Variants in STRA6 observed in about 807,000 individuals in gnomAD.
STRA6 encodes the protein receptor for retinol uptake STRA6.
In STRA6, 48 loss-of-function variants were observed where a neutral mutation model predicts 83.6. That is an observed-to-expected ratio of 0.57 (90% CI 0.46 to 0.73). The LOEUF is 0.73. STRA6 is among the 30% of genes least tolerant of loss of function. STRA6 has a pLI of 0.00. For synonymous variants in STRA6, 353 were observed against 362.3 expected (o/e 0.97, Z 0.29); for missense variants, 760 against 838.8 (o/e 0.91, Z 1.16).
Position 74,186,400 on chromosome 15 carries a change from A to G in STRA6, c.1091-1345T>C, listed in dbSNP as rs184831107. Among the ~76,000 whole-genome samples, 564 of 152,326 alleles carry G rather than the reference A, an allele frequency of 3.7e-3. 4 individuals carry two copies. The highest frequency in any genetic ancestry group is 0.012 in the African/African-American group (479 of 41,566). The stretch of plus-strand genomic sequence containing the variant: ...GAGGCGGTGGATCACCTGGGGTCAG[A>G]AGTTCGAGACCAGCCTGACCAATAT... On this transcript the variant is annotated intron_variant, in intron 12 of 18. Coordinates refer to ENST00000395105, the MANE Select transcript of STRA6 (RefSeq NM_022369.4).
At chr15:74,191,588 TC>T in intron 8 of STRA6, 97 bp from the exon 9 acceptor site, 1 of 1,109,590 alleles carries the variant, frequency 9.0e-7, no homozygotes, top group Non-Finnish European at 1.4e-6. Context: ...AAGCAGGTGC[TC>T]CATAAAAACC....
chr15:74,199,407 A>ACGCAGGGAGCAGGTTCC (rs534606048), intron 2 of STRA6, among the ~76,000 whole-genome samples: 24,331 of 152,164 alleles, frequency 0.16, 2,490 homozygotes, highest in Non-Finnish European at 0.23. Context: ...AGTAGCAGCC[A>ACGCAGGGAGCAGGTTCC]CACTGACTCC....
intron 7 of STRA6, chr15:74,194,657 G>T: frequency 1.2e-6 from 1 of 824,326 alleles, no homozygotes; most frequent in Non-Finnish European, 1.6e-6. Context: ...GCTAGGGACT[G>T]TTTGTCTTGT....
chr15:74,184,517 G>T (rs987766427), intron 13 of STRA6, among the ~76,000 whole-genome samples: 1 of 152,152 alleles, frequency 6.6e-6, no homozygotes, highest in African/African-American at 2.4e-5. Flanking sequence ...AGGTGGCATG[G>T]CGAGACCCGT....
At chr15:74,182,526 C>T (rs1374186288) in intron 14 of STRA6, 66 bp from the exon 15 acceptor site, 11 of 1,354,110 alleles carry the variant, frequency 8.1e-6, no homozygotes, top group South Asian at 5.0e-5. Context: ...ATCCCCGCTG[C>T]CCCCAGAACC....
intron 3 of STRA6, 41 bp downstream of exon 3, chr15:74,197,711 G>C (rs1347514578): frequency 1.2e-6 from 2 of 1,609,752 alleles, no homozygotes; most frequent in Non-Finnish European, 1.7e-6. Flanking sequence ...GCCCAGGCTG[G>C]CAGCAGCTTG....
intron 16 of STRA6, among the ~76,000 whole-genome samples, chr15:74,181,884 G>T (rs1006855743): frequency 9.2e-5 from 14 of 152,158 alleles, no homozygotes; most frequent in Non-Finnish European, 1.6e-4. Context: ...TGGTTTTAAG[G>T]AAACAGAGGA....
chr15:74,203,060 C>G (rs1199489638), upstream of STRA6: 1 of 985,578 alleles, frequency 1.0e-6, no homozygotes, highest in East Asian at 1.1e-4. Flanking sequence ...TCTGCAGTGC[C>G]GCACACAGAC....
At chr15:74,209,217 C>A, upstream of STRA6, 1 of 1,065,704 alleles carries the variant, frequency 9.4e-7, no homozygotes, top group Non-Finnish European at 1.3e-6. Context: ...GCGGTATAGC[C>A]TCTCCACACC....
upstream of STRA6, chr15:74,209,083 C>T: frequency 7.9e-7 from 1 of 1,273,126 alleles, no homozygotes; most frequent in Non-Finnish European, 9.9e-7. Context: ...TGCCCCTCCT[C>T]CTGCCCTCAC....
chr15:74,203,914 G>C (rs539158251), upstream of STRA6, among the ~76,000 whole-genome samples: 2 of 152,306 alleles, frequency 1.3e-5, no homozygotes, highest in South Asian at 4.1e-4. Flanking sequence ...TGGGGATGGG[G>C]GTGGGGGAAA....
chr15:74,207,799 C>G (rs1370195891), intron 1 of STRA6: 2 of 1,534,728 alleles, frequency 1.3e-6, no homozygotes, highest in African/African-American at 2.7e-5. Flanking sequence ...GCACAGCACA[C>G]TCACACACAC....
upstream of STRA6, chr15:74,207,665 T>C (rs1314188506): frequency 6.5e-7 from 1 of 1,529,042 alleles, no homozygotes; most frequent in East Asian, 2.4e-5. Flanking sequence ...AGAGAGGCGT[T>C]CCAGGAGTGG....
upstream of STRA6, among the ~76,000 whole-genome samples, chr15:74,207,036 A>G (rs1254978775): frequency 6.6e-6 from 1 of 152,238 alleles, no homozygotes; most frequent in Non-Finnish European, 1.5e-5. Context: ...CAGAGCTGCT[A>G]TGCCCCTCGG....
intron 4 of STRA6, 63 bp from the exon 5 acceptor site, chr15:74,196,210 C>T: frequency 6.3e-7 from 1 of 1,599,816 alleles, no homozygotes; most frequent in Non-Finnish European, 8.5e-7. Context: ...CCATTACCTC[C>T]CAGCTGTATT....
upstream of STRA6, among the ~76,000 whole-genome samples, chr15:74,203,804 G>A (rs1048794246): frequency 1.3e-5 from 2 of 152,066 alleles, no homozygotes; most frequent in African/African-American, 4.8e-5. Flanking sequence ...TAGTCCAAGA[G>A]CATTTGGGGA....
chr15:74,181,337 C>T lies in STRA6; in HGVS notation c.1642G>A (p.Asp548Asn), dbSNP rs766874761. ...LYNAIHLGQM[D>N]LSLLPPRAAT... ...GCTCTCGGTGGCAGCAGGCTGAGGT[C>T]CATCTGGCCAAGGTGGATGGCGTTG... Residue 548 changes from aspartate (D) to asparagine (N), a missense_variant, in exon 17 of 19, where the codon GAC (aspartate) becomes AAC (asparagine). Coordinates refer to ENST00000395105, the MANE Select transcript of STRA6 (RefSeq NM_022369.4). 1.9e-6 allele frequency: 3 copies of T among 1,607,604 alleles called. No individual in the cohort carries two copies. Among genetic ancestry groups the T allele is most frequent in the African/African-American group, 1.4e-5 (1 of 73,090 alleles).
At chr15:74,207,674 G>A (rs574934800), upstream of STRA6, 5 of 1,530,278 alleles carry the variant, frequency 3.3e-6, no homozygotes, top group Non-Finnish European at 4.4e-6. Context: ...TTCCAGGAGT[G>A]GGGGGATGGC....
rs2073356338 is a variant in STRA6, at chr15:74,188,282, ACGCTG to A, written c.1090+828_1090+832del. Among the ~76,000 whole-genome samples, 1 of 152,216 alleles carries A rather than the reference ACGCTG, an allele frequency of 6.6e-6. No homozygotes were observed. The highest frequency in any genetic ancestry group is 2.1e-4 in the South Asian group (1 of 4,836). On this transcript the variant is annotated intron_variant, in intron 12 of 18. Transcript: ENST00000395105. The surrounding 1 kb of genome is among the most constrained non-coding windows in gnomAD (Gnocchi z 4.5). The stretch of plus-strand genomic sequence containing the variant: ...CGGAGCAGCTACACCTCCACCTGCA[ACGCTG>A]GCAGCCCACGCTCTGACCACATGTT...
Sources: allele counts gnomAD v4.1 joint callset (sites outside exome capture counted in the v4.1 genomes callset), GRCh38; gene constraint gnomAD v4.1.1; non-coding constraint Gnocchi (gnomAD v3.1); transcripts MANE v1.5; gene names NCBI Gene and HGNC (gene_info 2026-07-23, HGNC 2026-07-21).